The following ENOX1 variants were observed in gnomAD, a reference collection of about 807,000 sequenced individuals.
ENOX1 encodes the protein ecto-NOX disulfide-thiol exchanger 1, also known as candidate growth-related and time keeping constitutive hydroquinone (NADH) oxidase.
ENOX1 carries 42 observed loss-of-function variants against 82.5 expected under a neutral mutation model. That is an observed-to-expected ratio of 0.51 (90% confidence interval 0.40 to 0.66). The LOEUF is 0.66. ENOX1 is among the 30% of genes least tolerant of loss of function. ENOX1 has a pLI of 0.00. For synonymous variants in ENOX1, 271 were observed against 282.2 expected (o/e 0.96, Z 0.40); for missense variants, 608 against 811.6 (o/e 0.75, Z 3.05).
At chr13:43,265,020 A>C (rs757561816) in intron 14 of ENOX1, among the ~76,000 whole-genome samples, 9 of 152,156 alleles carry the variant, frequency 5.9e-5, no homozygotes, top group Admixed American at 1.3e-4. Context: ...TCATTTAGGT[A>C]CCACCTTCGC....
chr13:43,590,197 G>A (rs1260670747), intron 2 of ENOX1, among the ~76,000 whole-genome samples: 1 of 151,936 alleles, frequency 6.6e-6, no homozygotes, highest in Non-Finnish European at 1.5e-5. Context: ...GAAAGCTTTT[G>A]AAACAAAAAA....
At chr13:43,773,674 C>T (rs900962872) in intron 1 of ENOX1, among the ~76,000 whole-genome samples, 1 of 152,210 alleles carries the variant, frequency 6.6e-6, no homozygotes, top group Non-Finnish European at 1.5e-5. Context: ...TGTCACTTCA[C>T]CCTCATTATG....
chr13:43,270,625 C>T (rs2044629196), intron 12 of ENOX1, among the ~76,000 whole-genome samples: 1 of 152,204 alleles, frequency 6.6e-6, no homozygotes. Context: ...TAAATTAAAT[C>T]TCCAAATCTA....
At chr13:43,247,879 A>AT (rs2043212414) in intron 14 of ENOX1, among the ~76,000 whole-genome samples, 10 of 12,320 alleles carry the variant, frequency 8.1e-4, no homozygotes, top group Non-Finnish European at 1.5e-3. Context: ...ATATATATAT[A>AT]TATATTTTTT....
intron 2 of ENOX1, among the ~76,000 whole-genome samples, chr13:43,541,929 T>C (rs149820512): frequency 2.6e-5 from 4 of 152,248 alleles, no homozygotes; most frequent in African/African-American, 9.6e-5. Flanking sequence ...TTTTTCTAGT[T>C]ATAAAAGTTA....
At chr13:43,662,672 T>C (rs2084791990) in intron 2 of ENOX1, among the ~76,000 whole-genome samples, 1 of 152,192 alleles carries the variant, frequency 6.6e-6, no homozygotes, top group Non-Finnish European at 1.5e-5. Context: ...TCTACCTCTG[T>C]AGCAGCCTTT....
At chr13:43,572,433 A>G (rs1440544709) in intron 2 of ENOX1, among the ~76,000 whole-genome samples, 1 of 152,146 alleles carries the variant, frequency 6.6e-6, no homozygotes, top group Non-Finnish European at 1.5e-5. Flanking sequence ...CGTTCCATAG[A>G]CCAAAAGGCT....
chr13:43,757,102 G>A (rs1422742771), intron 1 of ENOX1, among the ~76,000 whole-genome samples: 1 of 151,246 alleles, frequency 6.6e-6, no homozygotes, highest in African/African-American at 2.4e-5. Flanking sequence ...AAAACATACT[G>A]TTTCCAAGGT....
At chr13:43,381,001 A>G (rs1012123772) in intron 5 of ENOX1, among the ~76,000 whole-genome samples, 1 of 151,870 alleles carries the variant, frequency 6.6e-6, no homozygotes, top group Non-Finnish European at 1.5e-5. Context: ...TGCTAGAACA[A>G]GTACATAGAA....
At chr13:43,611,068 T>G (rs991358519) in intron 2 of ENOX1, among the ~76,000 whole-genome samples, 43 of 152,330 alleles carry the variant, frequency 2.8e-4, no homozygotes, top group African/African-American at 1.0e-3. Flanking sequence ...CAACTCTTAC[T>G]GTTATCTCCC....
chr13:43,340,593 C>T (rs2153541627), intron 9 of ENOX1, among the ~76,000 whole-genome samples: 1 of 152,356 alleles, frequency 6.6e-6, no homozygotes, highest in Middle Eastern at 3.4e-3. Context: ...CACCCCAACT[C>T]TCCTAATATT....
At position 43,549,775 on chromosome 13, in the gene ENOX1, C is replaced by A. The variant is rs140158491; in HGVS notation, c.-218-65623G>T. ...GAAAATGAGGTAGATCCTAAAAGAA[C>A]CCAGTTCCAACATGTCTGGTTTCAG... On this transcript the variant is annotated intron_variant, in intron 2 of 16. Transcript: ENST00000690772. Among the ~76,000 whole-genome samples the A allele has an allele frequency of 4.7e-4, 72 of 152,274 alleles. 1 individual carries two copies. The East Asian group carries it at 0.013, about 27-fold the overall frequency.
intron 1 of ENOX1, among the ~76,000 whole-genome samples, chr13:43,714,321 G>T (rs957614802): frequency 1.6e-4 from 24 of 152,162 alleles, no homozygotes; most frequent in African/African-American, 5.3e-4. Context: ...GCTGAGGAGT[G>T]CTTTACTTCC....
At chr13:43,545,547 C>T (rs949110811) in intron 2 of ENOX1, 4 of 152,226 alleles carry the variant, frequency 2.6e-5, no homozygotes, top group South Asian at 2.1e-4. Context: ...CCCCAGTCAC[C>T]GTGAGGGGTC....
At chr13:43,322,117 A>G (rs2047844654) in intron 11 of ENOX1, among the ~76,000 whole-genome samples, 1 of 152,230 alleles carries the variant, frequency 6.6e-6, no homozygotes, top group African/African-American at 2.4e-5. Context: ...TACTCTGGAA[A>G]AGGATTTTCA....
At chr13:43,423,615 C>T (rs138198352) in intron 3 of ENOX1, among the ~76,000 whole-genome samples, 20 of 152,278 alleles carry the variant, frequency 1.3e-4, no homozygotes, top group African/African-American at 3.1e-4. Context: ...AAGAGTTCAC[C>T]GTTCTCTCTC....
intron 1 of ENOX1, among the ~76,000 whole-genome samples, chr13:43,678,070 A>G (rs1234066546): frequency 1.3e-5 from 2 of 152,158 alleles, no homozygotes; most frequent in East Asian, 3.8e-4. Flanking sequence ...TGCTATACAA[A>G]TGTGCATACA....
At chr13:43,470,346 A>ATATATG (rs1566306966) in intron 3 of ENOX1, among the ~76,000 whole-genome samples, 22 of 38,042 alleles carry the variant, frequency 5.8e-4, no homozygotes, top group South Asian at 3.1e-3. Context: ...ATATACGTAT[A>ATATATG]TATATATGTA....
chr13:43,234,002 G>A (rs2042404714), intron 15 of ENOX1, among the ~76,000 whole-genome samples: 1 of 152,184 alleles, frequency 6.6e-6, no homozygotes, highest in African/African-American at 2.4e-5. Context: ...GAAAAGTGTA[G>A]CCCCAGCACC....
Sources: gnomAD v4.1 joint callset for allele counts (sites outside exome capture counted in the v4.1 genomes callset) on GRCh38, gnomAD v4.1.1 for gene constraint, MANE v1.5 for transcripts, NCBI Gene and HGNC (gene_info 2026-07-23, HGNC 2026-07-21) for gene names.